Variants in TRPM3 observed in about 807,000 individuals in gnomAD.
TRPM3 encodes the protein long transient receptor potential channel 3.
TRPM3 carries 77 observed loss-of-function variants against 181.2 expected under a neutral mutation model. The ratio of observed to expected loss-of-function variants is 0.42; its 90% CI spans 0.35 to 0.51. TRPM3 has a LOEUF of 0.51. TRPM3 is among the 20% of genes least tolerant of loss of function. The pLI, the probability that TRPM3 is intolerant of heterozygous loss-of-function variation, is 0.01. For synonymous variants in TRPM3, 745 were observed against 796.4 expected, an observed-to-expected ratio of 0.94 and a Z score of 1.09; for missense variants, 1,759 against 2,196.7, an observed-to-expected ratio of 0.80 and a Z score of 3.98.
At chr9:71,025,434 T>C (rs1309097258) in intron 1 of TRPM3, among the ~76,000 whole-genome samples, 2 of 152,158 alleles carry the variant, frequency 1.3e-5, no homozygotes, top group African/African-American at 2.4e-5. Context: ...ACATGATTCA[T>C]CGGAAAGAAG....
chr9:70,889,938 G>T (rs1246599087), intron 1 of TRPM3, among the ~76,000 whole-genome samples: 1 of 147,872 alleles, frequency 6.8e-6, no homozygotes, highest in Non-Finnish European at 1.5e-5. Flanking sequence ...TAGTATATAT[G>T]CTATATACTA....
chr9:70,977,151 T>TG (rs940314654), intron 1 of TRPM3, among the ~76,000 whole-genome samples: 1 of 152,204 alleles, frequency 6.6e-6, no homozygotes, highest in Non-Finnish European at 1.5e-5. Flanking sequence ...ATTTTTTTTT[T>TG]TGAGATGGAG....
At chr9:70,895,316 C>A (rs529088202) in intron 1 of TRPM3, among the ~76,000 whole-genome samples, 73 of 152,238 alleles carry the variant, frequency 4.8e-4, no homozygotes, top group East Asian at 2.7e-3. Flanking sequence ...CTGGGTAGGA[C>A]CTCCTGGACC....
chr9:70,553,497 T>C (rs2046927671), intron 22 of TRPM3, among the ~76,000 whole-genome samples, 187 bp from the exon 23 acceptor site: 1 of 152,102 alleles, frequency 6.6e-6, no homozygotes, highest in Non-Finnish European at 1.5e-5. Context: ...GCTGCTACTG[T>C]GGTGGTGGGG....
rs548235822 is a variant in TRPM3 at position 70,613,501 on chromosome 9, G to A, written c.2526+2407C>T. ...AAATATCAATCCCATAAAAGGAGGGGAAGTGCCAATGAGCTGCACTCTGCA... is the reference window on the plus strand; with the variant it reads ...AAATATCAATCCCATAAAAGGAGGGAAAGTGCCAATGAGCTGCACTCTGCA... On this transcript the variant is annotated intron_variant, in intron 18 of 25. Coordinates refer to ENST00000677713, the MANE Select transcript of TRPM3 (RefSeq NM_001366145.2). Among the ~76,000 whole-genome samples the A allele has an allele frequency of 1.3e-3, 200 of 152,324 alleles. 2 individuals carry two copies. The highest frequency in any genetic ancestry group is 2.3e-3 in the South Asian group (11 of 4,830).
chr9:71,404,406 A>C (rs1440476006), intron 1 of TRPM3, among the ~76,000 whole-genome samples: 2 of 152,166 alleles, frequency 1.3e-5, no homozygotes, highest in African/African-American at 4.8e-5. Context: ...TCTTTTTAGG[A>C]TTTGAAATTA....
intron 1 of TRPM3, among the ~76,000 whole-genome samples, chr9:70,958,375 C>T (rs1207699936): frequency 6.6e-6 from 1 of 152,118 alleles, no homozygotes; most frequent in East Asian, 1.9e-4. Context: ...TAACATATAG[C>T]AACTAGTTTA....
At chr9:70,923,903 C>CACACACATATATACATATAT (rs201549386) in intron 1 of TRPM3, among the ~76,000 whole-genome samples, 2 of 149,760 alleles carry the variant, frequency 1.3e-5, no homozygotes, top group African/African-American at 4.9e-5. Context: ...TATACATACA[C>CACACACATATATACATATAT]ACACACATAT....
chr9:71,214,440 G>T (rs2079717651), intron 1 of TRPM3, among the ~76,000 whole-genome samples: 1 of 152,152 alleles, frequency 6.6e-6, no homozygotes, highest in South Asian at 2.1e-4. Context: ...ACAAAGACTT[G>T]CATTCAAATA....
chr9:71,219,604 G>A (rs974475001), intron 1 of TRPM3, among the ~76,000 whole-genome samples: 6 of 152,108 alleles, frequency 3.9e-5, no homozygotes, highest in Non-Finnish European at 8.8e-5. Context: ...ACTTTCTACC[G>A]CACTTCTTGA....
intron 8 of TRPM3, among the ~76,000 whole-genome samples, chr9:70,745,141 G>T (rs1198841349): frequency 6.6e-6 from 1 of 151,904 alleles, no homozygotes; most frequent in Non-Finnish European, 1.5e-5. Flanking sequence ...ATTGTTTTTT[G>T]CATATGTTAA....
chr9:71,037,952 C>T (rs1001654104), intron 1 of TRPM3, among the ~76,000 whole-genome samples: 2 of 152,190 alleles, frequency 1.3e-5, no homozygotes, highest in Admixed American at 6.5e-5. Context: ...GTTCTTGCTG[C>T]TAAGGTTTTT....
At chr9:70,692,553 A>G (rs1249865667) in intron 8 of TRPM3, among the ~76,000 whole-genome samples, 1 of 152,204 alleles carries the variant, frequency 6.6e-6, no homozygotes, top group African/African-American at 2.4e-5. Flanking sequence ...TGATTGCTCT[A>G]AAATGGCACT....
chr9:70,814,602 G>T (rs1209537280), intron 6 of TRPM3, among the ~76,000 whole-genome samples: 1 of 152,134 alleles, frequency 6.6e-6, no homozygotes, highest in Non-Finnish European at 1.5e-5. Context: ...CTTTATATGT[G>T]ATTTGAAAAT....
At chr9:71,016,446 C>A (rs2097786041) in intron 1 of TRPM3, among the ~76,000 whole-genome samples, 1 of 152,108 alleles carries the variant, frequency 6.6e-6, no homozygotes, top group African/African-American at 2.4e-5. Context: ...TACTCCCAGA[C>A]CCTGGCAACC....
chr9:71,247,513 CAA>C (rs1327681748), intron 1 of TRPM3, among the ~76,000 whole-genome samples: 4 of 151,680 alleles, frequency 2.6e-5, no homozygotes, highest in Non-Finnish European at 4.4e-5. Context: ...TGACAAAGCT[CAA>C]AAGAGTCAGG....
At chr9:71,242,809 T>G (rs1321554106) in intron 1 of TRPM3, among the ~76,000 whole-genome samples, 1 of 152,158 alleles carries the variant, frequency 6.6e-6, no homozygotes, top group African/African-American at 2.4e-5. Flanking sequence ...AAATTGAGCT[T>G]TTAAAAGTGT....
At chr9:70,755,899 T>C (rs556399483) in intron 8 of TRPM3, among the ~76,000 whole-genome samples, 1 of 152,232 alleles carries the variant, frequency 6.6e-6, no homozygotes, top group African/African-American at 2.4e-5. Context: ...ATTGACACTA[T>C]GAAGAAACTG....
At chr9:71,403,701 G>T (rs79166055) in intron 1 of TRPM3, among the ~76,000 whole-genome samples, 2 of 151,994 alleles carry the variant, frequency 1.3e-5, no homozygotes, top group Admixed American at 1.3e-4. Flanking sequence ...CGGAGGGGGC[G>T]ATCTGAACCC....
Sources: allele counts gnomAD v4.1 joint callset (sites outside exome capture counted in the v4.1 genomes callset), GRCh38; gene constraint gnomAD v4.1.1; transcripts MANE v1.5; gene names NCBI Gene and HGNC (gene_info 2026-07-23, HGNC 2026-07-21).